Variants in NELFCD observed in about 807,000 individuals in gnomAD.
NELFCD encodes the protein negative elongation factor complex member C/D.
Under a neutral mutation model 72.9 loss-of-function variants are expected in NELFCD, and 48 were observed. The ratio of observed to expected loss-of-function variants is 0.66; its 90% confidence interval spans 0.52 to 0.84. The LOEUF (loss-of-function observed/expected upper bound fraction) is 0.84. NELFCD is among the 40% of genes least tolerant of loss of function. The pLI is 0.00. For synonymous variants in NELFCD, 297 were observed against 280.6 expected (o/e 1.06, Z -0.59); for missense variants, 538 against 723.8 (o/e 0.74, Z 2.94).
intron 9 of NELFCD, 126 bp from the exon 10 acceptor site, chr20:58,991,755 C>A (rs999933623): frequency 1.8e-6 from 2 of 1,127,412 alleles, no homozygotes; most frequent in Non-Finnish European, 2.5e-6. Context: ...AGTTTGACAG[C>A]TGAATTGACT....
chr20:58,981,863 C>A (rs1324720337), intron 1 of NELFCD, among the ~76,000 whole-genome samples: 1 of 152,236 alleles, frequency 6.6e-6, no homozygotes, highest in Non-Finnish European at 1.5e-5. Flanking sequence ...CTGTACTCTT[C>A]AGCACCTTGG....
At chr20:58,985,642 C>T (rs2091766322) in intron 1 of NELFCD, among the ~76,000 whole-genome samples, 1 of 152,144 alleles carries the variant, frequency 6.6e-6, no homozygotes. Flanking sequence ...GGTTGTTACT[C>T]TTCAGTGGCA....
intron 1 of NELFCD, among the ~76,000 whole-genome samples, chr20:58,983,979 C>G (rs1186603303): frequency 6.6e-6 from 1 of 152,034 alleles, no homozygotes; most frequent in Non-Finnish European, 1.5e-5. Flanking sequence ...CATGTTTATT[C>G]TGTGACTCTG....
chr20:58,981,428 CCGGCCCCACTCCCGGAGAGGCCGCG>C, intron 1 of NELFCD, 59 bp downstream of exon 1: 1 of 822,038 alleles, frequency 1.2e-6, no homozygotes, highest in Non-Finnish European at 1.5e-6. Context: ...CGCCGGCGGG[CCGGCCCCACTCCCGGAGAGGCCGCG>C]CGGCGCGAGG....
chr20:58,994,007 G>T, intron 13 of NELFCD, 103 bp from the exon 14 acceptor site: 1 of 1,396,834 alleles, frequency 7.2e-7, no homozygotes. Flanking sequence ...GGCCGGTGGG[G>T]GTGGGGAGGG....
chr20:58,990,089 T>C, intron 7 of NELFCD, 101 bp downstream of exon 7: 1 of 1,486,458 alleles, frequency 6.7e-7, no homozygotes, highest in Admixed American at 2.0e-5. Flanking sequence ...GCTCCTTCTG[T>C]TCAACGTAGA....
rs1261584302 is a variant in NELFCD, at chr20:58,986,830, G to C, written c.253G>C (p.Val85Leu). The C allele has an allele frequency of 6.2e-6, 10 of 1,613,954 alleles. No homozygotes were observed. Among genetic ancestry groups the C allele is most frequent in the Non-Finnish European group, 8.5e-6 (10 of 1,179,922 alleles). ...AAACTACACCGCTGTGGCCCAGACT[G>C]TGAACCTGCTGGCCGAGTGGCTCAT... ...SENYTAVAQT[V>L]NLLAEWLIQT... is the part of the protein sequence containing the mutation. The change falls in exon 3 of 15, where the codon GTG (valine) becomes CTG (leucine). Residue 85 changes from valine to leucine, a missense_variant. Val to Leu is a conservative substitution (Grantham distance 32). Around this residue, in one of 3 missense-constraint regions of NELFCD, gnomAD observed 355 missense variants for 534.5 expected, o/e 0.66. Transcript: ENST00000652272. The surrounding 1 kb of genome is among the most constrained non-coding windows in gnomAD (Gnocchi z 4.4).
At position 58,990,050 on chromosome 20, in the gene NELFCD, T is replaced by C. The variant is rs1191067076; in HGVS notation, c.788+62T>C. The stretch of plus-strand genomic sequence containing the variant: ...AGTGCTCCCCACAAAACCCTTCCCA[T>C]GGCCCGTGTTCCACAGCCAAAGCTG... On this transcript the variant is annotated intron_variant, in intron 7 of 14. Transcript: ENST00000652272. 2.5e-6 allele frequency: 4 copies of C among 1,583,372 alleles called. No homozygotes were observed. The African/African-American group carries it at 4.0e-5, about 16-fold the overall frequency.
Position 58,986,395 on chromosome 20 carries a change from G to A in NELFCD, c.176+187G>A. 3 of 565,546 alleles carry A rather than the reference G, an allele frequency of 5.3e-6. No individual in the cohort carries two copies. Among genetic ancestry groups the A allele is most frequent in the Non-Finnish European group, 9.3e-6 (3 of 322,980 alleles). The allele number at this position is 565,546 out of a possible 1,614,324, so 35.0% of individuals were successfully genotyped here. ...TTTTAAGACAGAGTCTTGCTCTGTT[G>A]CAGTGGCACAATCACCGCTCACTGC... is the stretch of plus-strand genomic sequence containing the variant. On this transcript the variant is annotated intron_variant, in intron 2 of 14. Coordinates refer to ENST00000652272, the MANE Select transcript of NELFCD (RefSeq NM_198976.4). The surrounding 1 kb of genome is among the most constrained non-coding windows in gnomAD (Gnocchi z 4.4).
At position 58,993,749 on chromosome 20, in the gene NELFCD, C is replaced by G. The variant is rs200887618; in HGVS notation, c.1566C>G (p.Arg522=). Reference sequence around the variant, plus strand: ...TGGACACTGACATTTCACTCATTCGCTATTTTGTCACTGAGGTCAGCAATG... The same window carrying G: ...TGGACACTGACATTTCACTCATTCGGTATTTTGTCACTGAGGTCAGCAATG... ...EKLDTDISLI[R]YFVTEVLDVI... Residue 522 remains arginine (R), a synonymous_variant, in exon 13 of 15, where the codon CGC becomes CGG. Coordinates refer to ENST00000652272, the MANE Select transcript of NELFCD (RefSeq NM_198976.4). This position sits in a 1 kb window ranked among gnomAD's most constrained non-coding sequence, Gnocchi z 5.0. 1.2e-6 allele frequency: 2 copies of G among 1,614,188 alleles called. No homozygotes were observed. Among genetic ancestry groups the G allele is most frequent in the Non-Finnish European group, 1.7e-6 (2 of 1,180,024 alleles).
At position 58,986,677 on chromosome 20, in the gene NELFCD, C is replaced by T; in HGVS notation, c.177-77C>T. On this transcript the variant is annotated intron_variant, in intron 2 of 14. Transcript: ENST00000652272. This position sits in a 1 kb window ranked among gnomAD's most constrained non-coding sequence, Gnocchi z 4.4. ...GCTTTAAAAATTTTGAAACCTGATT[C>T]TCTTCCTCCTTCCTTACCTTCCTGT... 9.6e-7 allele frequency: 1 copy of T among 1,041,922 alleles called. No individual in the cohort carries two copies. The highest frequency in any genetic ancestry group is 1.5e-6 in the Non-Finnish European group (1 of 658,522). The allele number at this position is 1,041,922 out of a possible 1,614,324, so 64.5% of individuals were successfully genotyped here.
At position 58,991,046 on chromosome 20, in the gene NELFCD, A is replaced by G. The variant is rs768781929; in HGVS notation, c.925A>G (p.Thr309Ala). The change falls in exon 8 of 15, where the codon ACA becomes GCA. Residue 309 changes from threonine (T) to alanine (A), a missense_variant. By Grantham distance (58) the Thr-to-Ala change is moderately conservative. Coordinates refer to ENST00000652272, the MANE Select transcript of NELFCD (RefSeq NM_198976.4). ...ADITVLFKMF[T>A]SMDPPPVELI... ...CATCACCGTCCTGTTCAAGATGTTCACAAGCATGGACCCTCCTCCGGTTGA... is the reference window on the plus strand; with the variant it reads ...CATCACCGTCCTGTTCAAGATGTTCGCAAGCATGGACCCTCCTCCGGTTGA... The G allele has an allele frequency of 2.5e-6, 4 of 1,614,056 alleles. No homozygotes were observed. The highest frequency in any genetic ancestry group is 3.4e-6 in the Non-Finnish European group (4 of 1,179,960).
chr20:58,993,131 G>C lies in NELFCD; in HGVS notation c.1344+19G>C. 5 of 1,551,886 alleles carry C rather than the reference G, an allele frequency of 3.2e-6. No homozygotes were observed. The highest frequency in any genetic ancestry group is 3.6e-6 in the Non-Finnish European group (4 of 1,123,266). On this transcript the variant is annotated intron_variant, in intron 11 of 14. Transcript: ENST00000652272. The surrounding 1 kb of genome is among the most constrained non-coding windows in gnomAD (Gnocchi z 5.0). ...GGATGAGGTAAGAGGGCGGAGAGCT[G>C]TTCACAGCCTACACAGTGTCTGTCT... is the stretch of plus-strand genomic sequence containing the variant.
Position 58,993,062 on chromosome 20 carries a change from T to C in NELFCD, c.1294T>C (p.Phe432Leu). The C allele has an allele frequency of 6.2e-7, 1 of 1,614,190 alleles. No homozygotes were observed. Among genetic ancestry groups the C allele is most frequent in the Non-Finnish European group, 8.5e-7 (1 of 1,180,026 alleles). The change falls in exon 11 of 15, where the codon TTT becomes CTT. Residue 432 changes from phenylalanine (F) to leucine (L), a missense_variant. Transcript: ENST00000652272. The surrounding 1 kb of genome is among the most constrained non-coding windows in gnomAD (Gnocchi z 5.0). The part of the protein sequence containing the change: ...VDWTVSEPRY[F>L]QLQTDHTPVH... Reference sequence around the variant, plus strand: ...TTGGACTGTATCAGAACCAAGGTACTTTCAGCTGCAGACTGACCATACCCC... The same window carrying C: ...TTGGACTGTATCAGAACCAAGGTACCTTCAGCTGCAGACTGACCATACCCC...
Position 58,986,348 on chromosome 20 carries a change from CTTTTT to C in NELFCD, c.176+151_176+155del, listed in dbSNP as rs1173622375. The C allele has an allele frequency of 6.3e-6, 3 of 475,066 alleles. No individual in the cohort carries two copies. Among genetic ancestry groups the C allele is most frequent in the African/African-American group, 6.2e-5 (3 of 48,126 alleles). 29.4% of individuals were successfully genotyped at this position (475,066 alleles called of 1,614,324 possible). On this transcript the variant is annotated intron_variant, in intron 2 of 14. Coordinates refer to ENST00000652272, the MANE Select transcript of NELFCD (RefSeq NM_198976.4). The surrounding 1 kb of genome is among the most constrained non-coding windows in gnomAD (Gnocchi z 4.4). Reference sequence around the variant, plus strand: ...CTTCAAGGGGGGGTCCCCTCTGCCACTTTTTTTTTTTTTTTAAATTTTTTTAAGAC... The same window carrying C: ...CTTCAAGGGGGGGTCCCCTCTGCCACTTTTTTTTTTAAATTTTTTTAAGAC...
chr20:58,994,164 C>A lies in NELFCD; in HGVS notation c.1636C>A (p.Pro546Thr). 1 of 1,614,124 alleles carries A rather than the reference C, an allele frequency of 6.2e-7. No homozygotes were observed. Among genetic ancestry groups the A allele is most frequent in the Non-Finnish European group, 8.5e-7 (1 of 1,179,986 alleles). ...YTSDFVQLFL[P>T]ILENDSIAGT... ...CTCTGACTTCGTGCAACTTTTCCTC[C>A]CCATCCTGGAGAATGACAGCATCGC... Residue 546 changes from proline to threonine, a missense_variant, in exon 14 of 15, where the codon CCC (proline) becomes ACC (threonine). Around this residue, in one of 3 missense-constraint regions of NELFCD, gnomAD observed 136 missense variants for 154.0 expected, o/e 0.88. Transcript: ENST00000652272.
In NELFCD at chr20:58,993,286, C is replaced by T; in HGVS notation, c.1345-163C>T. On this transcript the variant is annotated intron_variant, in intron 11 of 14. Coordinates refer to ENST00000652272, the MANE Select transcript of NELFCD (RefSeq NM_198976.4). The surrounding 1 kb of genome is among the most constrained non-coding windows in gnomAD (Gnocchi z 5.0). ...CTAGCTTCATTGACTGCAGAAATTT[C>T]TTAACCTCAGTCAAGTGTTACTGGA... 2 of 825,526 alleles carry T rather than the reference C, an allele frequency of 2.4e-6. No individual in the cohort carries two copies. The highest frequency in any genetic ancestry group is 3.8e-6 in the Non-Finnish European group (2 of 521,664). 51.1% of individuals were successfully genotyped at this position (825,526 alleles called of 1,614,324 possible).
At chr20:58,992,054 C>A (rs1416983818) in intron 10 of NELFCD, 34 bp downstream of exon 10, 1 of 1,562,402 alleles carries the variant, frequency 6.4e-7, no homozygotes, top group East Asian at 2.3e-5. Flanking sequence ...TTAAATCAGT[C>A]CTTTGGGGAG....
chr20:58,991,729 C>T lies in NELFCD; in HGVS notation c.1090-152C>T, dbSNP rs183361298. ...GTCTCATTGCTTTTCAGTTTCTGTA[C>T]ACTGTGTGACTGTGAAGTTTGACAG... On this transcript the variant is annotated intron_variant, in intron 9 of 14. Transcript: ENST00000652272. The T allele has an allele frequency of 3.2e-5, 28 of 864,184 alleles. No individual in the cohort carries two copies. In the Admixed American group the frequency reaches 4.8e-4, roughly 15 times the overall value. 53.5% of individuals were successfully genotyped at this position (864,184 alleles called of 1,614,324 possible).
Sources: allele counts gnomAD v4.1 joint callset (sites outside exome capture counted in the v4.1 genomes callset), GRCh38; gene constraint gnomAD v4.1.1; regional missense constraint gnomAD v4.1.1; non-coding constraint Gnocchi (gnomAD v3.1); transcripts MANE v1.5; gene names NCBI Gene and HGNC (gene_info 2026-07-23, HGNC 2026-07-21).